STK32B: variants seen among roughly 807,000 people sequenced by gnomAD.
STK32B encodes serine/threonine kinase 32B.
Under a neutral mutation model 52.6 loss-of-function variants are expected in STK32B, and 43 were observed. The ratio of observed to expected loss-of-function variants is 0.82; its 90% confidence interval spans 0.64 to 1.05. The LOEUF (loss-of-function observed/expected upper bound fraction) is 1.05, where lower values mean the gene tolerates loss of function less well. Ranked by LOEUF, STK32B falls within the 50% of genes least tolerant of loss-of-function variation. The probability of loss-of-function intolerance (pLI) is 0.00; values close to 1 mark genes in which losing one functional copy is unlikely to be tolerated. For missense variants in STK32B, 621 were observed against 534.6 expected, an observed-to-expected ratio of 1.16 and a Z score of -1.59; for synonymous variants, 238 against 204.3, an observed-to-expected ratio of 1.17 and a Z score of -1.41.
intron 3 of STK32B, among the ~76,000 whole-genome samples, chr4:5,296,741 T>C (rs530975788): frequency 4.3e-4 from 65 of 152,312 alleles, no homozygotes; most frequent in African/African-American, 1.4e-3. Flanking sequence ...TGCCTTGTAA[T>C]TGGGGCATTT....
intron 2 of STK32B, among the ~76,000 whole-genome samples, chr4:5,163,246 C>T (rs1017763746): frequency 6.6e-6 from 1 of 152,098 alleles, no homozygotes; most frequent in Non-Finnish European, 1.5e-5. Flanking sequence ...CATGTGTGAG[C>T]CCCTGAACAG....
At chr4:5,318,335 G>T (rs886325752) in intron 3 of STK32B, among the ~76,000 whole-genome samples, 2 of 152,114 alleles carry the variant, frequency 1.3e-5, no homozygotes, top group Admixed American at 1.3e-4. Flanking sequence ...GTTGTCTTAG[G>T]AACTGAGACT....
intron 9 of STK32B, among the ~76,000 whole-genome samples, chr4:5,463,143 A>C (rs369598939): frequency 6.6e-6 from 1 of 152,236 alleles, no homozygotes; most frequent in East Asian, 1.9e-4. Context: ...TTCCTTCCTA[A>C]TGCACATTTT....
At chr4:5,232,171 T>C (rs554321107) in intron 3 of STK32B, among the ~76,000 whole-genome samples, 249 of 152,266 alleles carry the variant, frequency 1.6e-3, no homozygotes, top group African/African-American at 5.7e-3. Flanking sequence ...CTCAGAATAA[T>C]GCTTTTAATT....
intron 3 of STK32B, among the ~76,000 whole-genome samples, chr4:5,173,871 G>A (rs1719598581): frequency 6.6e-6 from 1 of 152,092 alleles, no homozygotes; most frequent in Admixed American, 6.6e-5. Context: ...TTAACTTTTT[G>A]TCTCATTGAT....
intron 2 of STK32B, among the ~76,000 whole-genome samples, chr4:5,155,110 C>A (rs189075128): frequency 6.6e-6 from 1 of 152,314 alleles, no homozygotes; most frequent in Admixed American, 6.5e-5. Flanking sequence ...TTCACACTTG[C>A]TCTTCTCTCC....
intron 3 of STK32B, among the ~76,000 whole-genome samples, chr4:5,269,048 A>G (rs1727241761): frequency 6.6e-6 from 1 of 152,100 alleles, no homozygotes; most frequent in South Asian, 2.1e-4. Flanking sequence ...CTCTGAGTAG[A>G]AGAGACAGAA....
At chr4:5,021,650 G>C in the STK32B span, among the ~76,000 whole-genome samples, 10 of 152,352 alleles carry the variant, frequency 6.6e-5, no homozygotes, top group African/African-American at 1.9e-4. Context: ...GAAAACAGGA[G>C]TCATTTGTGA....
chr4:5,191,057 A>G (rs1721161113), intron 3 of STK32B, among the ~76,000 whole-genome samples: 1 of 152,164 alleles, frequency 6.6e-6, no homozygotes, highest in South Asian at 2.1e-4. Context: ...AGCCAGTGGC[A>G]TCTTATCTGC....
chr4:5,327,854 A>G (rs1348253413), intron 3 of STK32B, among the ~76,000 whole-genome samples: 1 of 152,224 alleles, frequency 6.6e-6, no homozygotes, highest in Non-Finnish European at 1.5e-5. Flanking sequence ...CCTAAATGAC[A>G]TCTACTTCCA....
At chr4:5,250,731 T>C (rs1206421108) in intron 3 of STK32B, among the ~76,000 whole-genome samples, 2 of 152,202 alleles carry the variant, frequency 1.3e-5, no homozygotes, top group Non-Finnish European at 2.9e-5. Context: ...CAATTGTTAT[T>C]TTTTGACTTT....
chr4:5,207,643 A>T (rs1365440015), intron 3 of STK32B, among the ~76,000 whole-genome samples: 2 of 151,790 alleles, frequency 1.3e-5, no homozygotes, highest in African/African-American at 4.8e-5. Flanking sequence ...AGAGAGGGAA[A>T]ATATTATTTT....
chr4:5,478,448 A>G (rs934863438), intron 11 of STK32B, among the ~76,000 whole-genome samples: 4 of 152,230 alleles, frequency 2.6e-5, no homozygotes, highest in African/African-American at 7.2e-5. Flanking sequence ...GCAACAGCTG[A>G]TAAGACTGGC....
At chr4:5,362,155 G>A (rs1381272680) in intron 4 of STK32B, among the ~76,000 whole-genome samples, 1 of 152,256 alleles carries the variant, frequency 6.6e-6, no homozygotes, top group East Asian at 1.9e-4. Flanking sequence ...TGTTGGGAGC[G>A]AGGAACTCTC....
At chr4:5,134,954 G>A (rs767682014) in intron 1 of STK32B, among the ~76,000 whole-genome samples, 7 of 152,212 alleles carry the variant, frequency 4.6e-5, no homozygotes, top group Non-Finnish European at 7.3e-5. Flanking sequence ...TGTTGAAAGC[G>A]TGCTATGAAA....
At chr4:5,366,794 C>T (rs936652099) in intron 4 of STK32B, among the ~76,000 whole-genome samples, 6 of 152,156 alleles carry the variant, frequency 3.9e-5, no homozygotes, top group Admixed American at 2.6e-4. Context: ...TCTGAGTAAA[C>T]GATATCAGTA....
intron 4 of STK32B, among the ~76,000 whole-genome samples, chr4:5,374,076 G>C (rs551458866): frequency 6.6e-6 from 1 of 152,194 alleles, no homozygotes; most frequent in South Asian, 2.1e-4. Flanking sequence ...AGGGGAGAAG[G>C]CCATGTGAAA....
intron 1 of STK32B, among the ~76,000 whole-genome samples, chr4:5,082,977 G>T (rs1712521972): frequency 6.6e-6 from 1 of 152,102 alleles, no homozygotes; most frequent in Non-Finnish European, 1.5e-5. Context: ...ATGTTTTGGT[G>T]ATTTCAAAAT....
At chr4:5,167,124 T>A (rs960897964) in intron 2 of STK32B, among the ~76,000 whole-genome samples, 1 of 152,136 alleles carries the variant, frequency 6.6e-6, no homozygotes, top group Non-Finnish European at 1.5e-5. Context: ...CATCTTCCCA[T>A]CCTTTAGAGC....
Sources: allele counts gnomAD v4.1 joint callset (sites outside exome capture counted in the v4.1 genomes callset), GRCh38; gene constraint gnomAD v4.1.1; transcripts MANE v1.5; gene names NCBI Gene and HGNC (gene_info 2026-07-23, HGNC 2026-07-21).